The following PNMA1 variants were observed in gnomAD, a reference collection of about 807,000 sequenced individuals.
PNMA1 encodes the protein PNMA family member 1.
PNMA1 carries 21 observed loss-of-function variants against 26.1 expected under a neutral mutation model. The observed-to-expected ratio is 0.80, with a 90% CI of 0.57 to 1.16. PNMA1 has a LOEUF of 1.16. Among genes scored for constraint, PNMA1 ranks in the 50% most tolerant of loss-of-function variants. The pLI, the probability that PNMA1 is intolerant of heterozygous loss-of-function variation, is 0.00. For synonymous variants in PNMA1, 189 were observed against 177.3 expected (o/e 1.07, Z -0.52); for missense variants, 435 against 437.3 (o/e 0.99, Z 0.05).
In PNMA1 at chr14:73,713,059, G is replaced by C. The variant is rs747446452; in HGVS notation, c.581C>G (p.Ser194Cys). 2 of 1,613,648 alleles carry C rather than the reference G, an allele frequency of 1.2e-6. No individual in the cohort carries two copies. Among genetic ancestry groups the C allele is most frequent in the South Asian group, 1.1e-5 (1 of 91,068 alleles). Reference protein sequence around the residue: ...TNEVLEEWQVSDVEKRRRLME... With the variant: ...TNEVLEEWQVCDVEKRRRLME... ...CAACCGCCGCCTCTTTTCTACATCG[G>C]ACACCTGCCACTCCTCTAGGACCTC... The change falls in exon 1 of 1, where the codon TCC (serine) becomes TGC (cysteine). Residue 194 changes from serine (S) to cysteine (C), a missense_variant. Ser to Cys is a moderately radical substitution (Grantham distance 112). Transcript: ENST00000316836.
Position 73,713,396 on chromosome 14 carries a change from G to A in PNMA1, c.244C>T (p.Pro82Ser). Reference protein sequence around the residue: ...VDYAAIPREMPGKGGVWKVLF... With the variant: ...VDYAAIPREMSGKGGVWKVLF... ...ACTTTCCAGACCCCTCCTTTGCCCG[G>A]CATCTCCCTGGGGATCGCGGCGTAA... Residue 82 changes from proline to serine, a missense_variant, in exon 1 of 1, where the codon CCG (proline) becomes TCG (serine). Pro to Ser is a moderately conservative substitution (Grantham distance 74, BLOSUM62 -1). Coordinates refer to ENST00000316836, the MANE Select transcript of PNMA1 (RefSeq NM_006029.5). 4 of 1,614,126 alleles carry A rather than the reference G, an allele frequency of 2.5e-6. No individual in the cohort carries two copies. Among genetic ancestry groups the A allele is most frequent in the Non-Finnish European group, 3.4e-6 (4 of 1,180,034 alleles).
Position 73,712,685 on chromosome 14 carries a change from G to A in PNMA1, c.955C>T (p.Pro319Ser). ...WLTGAGEGPA[P>S]NLFQLLVQIR... ...TGCACCAGCAACTGAAAGAGGTTTG[G>A]GGCTGGCCCTTCCCCAGCCCCGGTA... The change falls in exon 1 of 1, where the codon CCA becomes TCA. Residue 319 changes from proline to serine, a missense_variant. Transcript: ENST00000316836. The A allele has an allele frequency of 6.2e-7, 1 of 1,613,870 alleles. No individual in the cohort carries two copies. The highest frequency in any genetic ancestry group is 8.5e-7 in the Non-Finnish European group (1 of 1,179,878).
rs199591510 is a variant in PNMA1, at chr14:73,712,984, G to A, written c.656C>T (p.Ser219Phe). ...PAADVIRILK[S>F]NNPAITTAEC... ...GGCAGTGGTTATCGCGGGGTTGTTG[G>A]ACTTAAGGATGCGAATAACATCAGC... The change falls in exon 1 of 1, where the codon TCC (serine) becomes TTC (phenylalanine). Residue 219 changes from serine to phenylalanine, a missense_variant. Coordinates refer to ENST00000316836, the MANE Select transcript of PNMA1 (RefSeq NM_006029.5). The A allele has an allele frequency of 1.5e-5, 25 of 1,614,160 alleles. 1 individual carries two copies. In the South Asian group the frequency reaches 2.4e-4, roughly 16 times the overall value.
rs2052832974 is a variant in PNMA1, at chr14:73,713,012, C to T, written c.628G>A (p.Ala210Thr). Residue 210 changes from alanine to threonine, a missense_variant, in exon 1 of 1, where the codon GCC becomes ACC. By Grantham distance (58) the Ala-to-Thr change is moderately conservative. Coordinates refer to ENST00000316836, the MANE Select transcript of PNMA1 (RefSeq NM_006029.5). ...RRLMESLRGPAADVIRILKSN... is the reference protein window; with the variant it reads ...RRLMESLRGPTADVIRILKSN... The stretch of plus-strand genomic sequence containing the variant: ...TTAAGGATGCGAATAACATCAGCGG[C>T]GGGGCCTCTAAGACTCTCCATCAAC... 5 of 1,613,828 alleles carry T rather than the reference C, an allele frequency of 3.1e-6. No homozygotes were observed. The highest frequency in any genetic ancestry group is 4.2e-6 in the Non-Finnish European group (5 of 1,180,044).
In PNMA1 at chr14:73,713,707, C is replaced by T; in HGVS notation, c.-68G>A. 2 of 1,420,666 alleles carry T rather than the reference C, an allele frequency of 1.4e-6. No homozygotes were observed. The highest frequency in any genetic ancestry group is 1.9e-6 in the Non-Finnish European group (2 of 1,041,132). 88.0% of individuals were successfully genotyped at this position (1,420,666 alleles called of 1,614,324 possible). ...GCTCACCGTGCTCCTGGCCTTAGAA[C>T]AATACCAGACACTCCCACCAAGTAG... On this transcript the variant is annotated 5_prime_UTR_variant, in exon 1 of 1. Coordinates refer to ENST00000316836, the MANE Select transcript of PNMA1 (RefSeq NM_006029.5).
At position 73,712,649 on chromosome 14, in the gene PNMA1, C is replaced by T; in HGVS notation, c.991G>A (p.Glu331Lys). The T allele has an allele frequency of 6.2e-7, 1 of 1,613,834 alleles. No individual in the cohort carries two copies. Among genetic ancestry groups the T allele is most frequent in the Non-Finnish European group, 8.5e-7 (1 of 1,179,874 alleles). ...TCCTCCTCCTCCTCCTTGGCTTCCT[C>T]CTCACGGATCTGCACCAGCAACTGA... is the stretch of plus-strand genomic sequence containing the variant. Reference protein sequence around the residue: ...LFQLLVQIREEEAKEEEEEAE... With the variant: ...LFQLLVQIREKEAKEEEEEAE... Residue 331 changes from glutamate (E) to lysine (K), a missense_variant, in exon 1 of 1, where the codon GAG becomes AAG. By Grantham distance (56) the Glu-to-Lys change is moderately conservative. Coordinates refer to ENST00000316836, the MANE Select transcript of PNMA1 (RefSeq NM_006029.5).
At position 73,712,601 on chromosome 14, in the gene PNMA1, A is replaced by G. The variant is rs765874039; in HGVS notation, c.1039T>C (p.Leu347=). The G allele has an allele frequency of 1.9e-6, 3 of 1,605,318 alleles. No homozygotes were observed. The highest frequency in any genetic ancestry group is 2.6e-6 in the Non-Finnish European group (3 of 1,175,744). ...EEEAEATLLQ[L]GLEGHF Reference sequence around the variant, plus strand: ...ACTCAGAAGTGCCCTTCCAGGCCTAACTGCAGAAGGGTGGCCTCAGCCTCC... The same window carrying G: ...ACTCAGAAGTGCCCTTCCAGGCCTAGCTGCAGAAGGGTGGCCTCAGCCTCC... Residue 347 remains leucine (L), a synonymous_variant, in exon 1 of 1, where the codon TTA becomes CTA. Transcript: ENST00000316836.
rs777554204 is a variant in PNMA1, at chr14:73,712,475, C to G, written c.*103G>C. The G allele has an allele frequency of 4.0e-5, 32 of 804,574 alleles. No homozygotes were observed. Among genetic ancestry groups the G allele is most frequent in the Admixed American group, 1.4e-4 (6 of 42,830 alleles). 49.8% of individuals were successfully genotyped at this position (804,574 alleles called of 1,614,324 possible). A position where few individuals can be genotyped will look rare whatever the true frequency, so the allele number is the denominator to read the frequency against. The stretch of plus-strand genomic sequence containing the variant: ...CCCTCCAAAAAACAACAAAACAGAA[C>G]AAGGCTAAGCCTTTACTACTCAGAG... On this transcript the variant is annotated 3_prime_UTR_variant, in exon 1 of 1. Transcript: ENST00000316836.
In PNMA1 at chr14:73,714,299, C is replaced by A. The variant is rs2052850568; in HGVS notation, c.-660G>T. On this transcript the variant is annotated 5_prime_UTR_variant, in exon 1 of 1. Transcript: ENST00000316836. ...CAGCAGAGGCGAGGGTGGGAAGGGGCGGCCGCGGCGGCCCGCAGCGGTTCA... is the reference window on the plus strand; with the variant it reads ...CAGCAGAGGCGAGGGTGGGAAGGGGAGGCCGCGGCGGCCCGCAGCGGTTCA... The A allele has an allele frequency of 6.0e-6, 1 of 166,066 alleles. No homozygotes were observed. 10.3% of individuals were successfully genotyped at this position (166,066 alleles called of 1,614,324 possible). A position where few individuals can be genotyped will look rare whatever the true frequency, so the allele number is the denominator to read the frequency against.
chr14:73,711,878 G>A lies in PNMA1; in HGVS notation c.*700C>T, dbSNP rs2052821225. ...TCTCTGACAAAGATGTGAAATGGGG[G>A]AGTGAATTACTGTACAGGTGCATAT... On this transcript the variant is annotated 3_prime_UTR_variant, in exon 1 of 1. Coordinates refer to ENST00000316836, the MANE Select transcript of PNMA1 (RefSeq NM_006029.5). 1 of 152,190 alleles carries A rather than the reference G, an allele frequency of 6.6e-6. No homozygotes were observed. Among genetic ancestry groups the A allele is most frequent in the Non-Finnish European group, 1.5e-5 (1 of 68,040 alleles). 9.4% of individuals were successfully genotyped at this position (152,190 alleles called of 1,614,324 possible).
In PNMA1 at chr14:73,714,206, G is replaced by A. The variant is rs757126846; in HGVS notation, c.-567C>T. 2.6e-4 allele frequency: 43 copies of A among 167,492 alleles called. No individual in the cohort carries two copies. The highest frequency in any genetic ancestry group is 3.2e-4 in the Non-Finnish European group (22 of 68,800). The allele number at this position is 167,492 out of a possible 1,614,324, so 10.4% of individuals were successfully genotyped here. A position where few individuals can be genotyped will look rare whatever the true frequency, so the allele number is the denominator to read the frequency against. The stretch of plus-strand genomic sequence containing the variant: ...GCGGGGACTCCTCTGGGCGGGCGGC[G>A]AGGACGGCCGAGGACCAGAAACGAA... On this transcript the variant is annotated 5_prime_UTR_variant, in exon 1 of 1. Transcript: ENST00000316836.
chr14:73,713,148 GA>G lies in PNMA1; in HGVS notation c.491del (p.Phe164SerfsTer25). ...ESIWYKRLTL[F>X]SGRDIPGPGE... ...CAGGCCCTGGGATGTCCCTCCCCGAGAAAAGTGTCAGCCTCTTGTACCATAT... is the reference window on the plus strand; with the variant it reads ...CAGGCCCTGGGATGTCCCTCCCCGAGAAAGTGTCAGCCTCTTGTACCATAT... On this transcript the variant is annotated frameshift_variant, in exon 1 of 1. Coordinates refer to ENST00000316836, the MANE Select transcript of PNMA1 (RefSeq NM_006029.5). LOFTEE classifies it high-confidence loss of function. 1 of 1,612,244 alleles carries G rather than the reference GA, an allele frequency of 6.2e-7. No individual in the cohort carries two copies. The highest frequency in any genetic ancestry group is 2.2e-5 in the East Asian group (1 of 44,834).
In PNMA1 at chr14:73,713,014, G is replaced by A; in HGVS notation, c.626C>T (p.Pro209Leu). The A allele has an allele frequency of 6.2e-7, 1 of 1,613,928 alleles. No individual in the cohort carries two copies. The highest frequency in any genetic ancestry group is 8.5e-7 in the Non-Finnish European group (1 of 1,180,022). ...AAGGATGCGAATAACATCAGCGGCGGGGCCTCTAAGACTCTCCATCAACCG... is the reference window on the plus strand; with the variant it reads ...AAGGATGCGAATAACATCAGCGGCGAGGCCTCTAAGACTCTCCATCAACCG... ...RRRLMESLRG[P>L]AADVIRILKS... Residue 209 changes from proline (P) to leucine (L), a missense_variant, in exon 1 of 1, where the codon CCC becomes CTC. Transcript: ENST00000316836.
chr14:73,712,941 A>G lies in PNMA1; in HGVS notation c.699T>C (p.Leu233=). Reference sequence around the variant, plus strand: ...TCTCAACGCTCCCAAACACCTGCTCAAGCGCCTTCAGGCATTCGGCAGTGG... The same window carrying G: ...TCTCAACGCTCCCAAACACCTGCTCGAGCGCCTTCAGGCATTCGGCAGTGG... ...AITTAECLKA[L]EQVFGSVESS... is the part of the protein sequence containing the mutation. The change falls in exon 1 of 1, where the codon CTT becomes CTC. Residue 233 remains leucine, a synonymous_variant. Coordinates refer to ENST00000316836, the MANE Select transcript of PNMA1 (RefSeq NM_006029.5). 6.2e-7 allele frequency: 1 copy of G among 1,614,228 alleles called. No individual in the cohort carries two copies. Among genetic ancestry groups the G allele is most frequent in the Non-Finnish European group, 8.5e-7 (1 of 1,180,054 alleles).
Position 73,712,707 on chromosome 14 carries a change from G to T in PNMA1, c.933C>A (p.Thr311=), listed in dbSNP as rs1447521263. The stretch of plus-strand genomic sequence containing the variant: ...TTGGGGCTGGCCCTTCCCCAGCCCC[G>T]GTAAGCCACAGCTGCCTTCGGATGG... ...SGAIRRQLWL[T]GAGEGPAPNL... is the part of the protein sequence containing the mutation. The change falls in exon 1 of 1, where the codon ACC becomes ACA. Residue 311 remains threonine (T), a synonymous_variant. Transcript: ENST00000316836. 4 of 1,613,968 alleles carry T rather than the reference G, an allele frequency of 2.5e-6. No homozygotes were observed. The highest frequency in any genetic ancestry group is 2.5e-6 in the Non-Finnish European group (3 of 1,179,980).
At position 73,713,384 on chromosome 14, in the gene PNMA1, CT is replaced by C; in HGVS notation, c.255del (p.Val87SerfsTer16). 2 of 1,614,152 alleles carry C rather than the reference CT, an allele frequency of 1.2e-6. No homozygotes were observed. The highest frequency in any genetic ancestry group is 1.7e-6 in the Non-Finnish European group (2 of 1,180,046). On this transcript the variant is annotated frameshift_variant, in exon 1 of 1. Coordinates refer to ENST00000316836, the MANE Select transcript of PNMA1 (RefSeq NM_006029.5). LOFTEE classifies it high-confidence loss of function. Reference protein sequence around the residue: ...AAIPREMPGKGGVWKVLFKPP... With the variant: ...AAIPREMPGKXGVWKVLFKPP... ...GGCTTAAATAACACTTTCCAGACCC[CT>C]CCTTTGCCCGGCATCTCCCTGGGGA...
rs568418415 is a variant in PNMA1, at chr14:73,713,870, G to A, written c.-231C>T. On this transcript the variant is annotated 5_prime_UTR_variant, in exon 1 of 1. Coordinates refer to ENST00000316836, the MANE Select transcript of PNMA1 (RefSeq NM_006029.5). ...ACGCTGAGGCAGTCACGCGGCCGTCGCCATCTTGCGTCTGGGTCTGGGTCC... is the reference window on the plus strand; with the variant it reads ...ACGCTGAGGCAGTCACGCGGCCGTCACCATCTTGCGTCTGGGTCTGGGTCC... The A allele has an allele frequency of 7.0e-5, 31 of 443,724 alleles. No individual in the cohort carries two copies. In the East Asian group the frequency reaches 1.0e-3, roughly 15 times the overall value. 27.5% of individuals were successfully genotyped at this position (443,724 alleles called of 1,614,324 possible). A position where few individuals can be genotyped will look rare whatever the true frequency, so the allele number is the denominator to read the frequency against.
Position 73,713,924 on chromosome 14 carries a change from G to A in PNMA1, c.-285C>T, listed in dbSNP as rs1779151454. 3.4e-6 allele frequency: 1 copy of A among 291,210 alleles called. No individual in the cohort carries two copies. The allele number at this position is 291,210 out of a possible 1,614,324, so 18.0% of individuals were successfully genotyped here. A position where few individuals can be genotyped will look rare whatever the true frequency, so the allele number is the denominator to read the frequency against. On this transcript the variant is annotated 5_prime_UTR_variant, in exon 1 of 1. It adds an upstream start codon to the 5' untranslated region. Coordinates refer to ENST00000316836, the MANE Select transcript of PNMA1 (RefSeq NM_006029.5). ...CGGGTCCGCCGCCTGCAGCAGGGGC[G>A]TCGCGTCGTCGTGCAGCGGGCGAGG... is the stretch of plus-strand genomic sequence containing the variant.
Position 73,713,218 on chromosome 14 carries a change from A to T in PNMA1, c.422T>A (p.Leu141Gln). 6.2e-7 allele frequency: 1 copy of T among 1,614,096 alleles called. No homozygotes were observed. The highest frequency in any genetic ancestry group is 8.5e-7 in the Non-Finnish European group (1 of 1,180,036). ...TPGPEMPAEM[L>Q]NYILDNVIQP... Reference sequence around the variant, plus strand: ...AATAACATTATCCAAAATATAGTTTAGCATCTCTGCTGGCATCTCTGGGCC... The same window carrying T: ...AATAACATTATCCAAAATATAGTTTTGCATCTCTGCTGGCATCTCTGGGCC... Residue 141 changes from leucine to glutamine, a missense_variant, in exon 1 of 1, where the codon CTA (leucine) becomes CAA (glutamine). Physicochemically the swap from Leu to Gln is moderately radical, Grantham distance 113 (BLOSUM62 -2). Coordinates refer to ENST00000316836, the MANE Select transcript of PNMA1 (RefSeq NM_006029.5).
Sources: gnomAD v4.1 joint callset for allele counts on GRCh38, gnomAD v4.1.1 for gene constraint, MANE v1.5 for transcripts, NCBI Gene and HGNC (gene_info 2026-07-23, HGNC 2026-07-21) for gene names.